ARHGEF10: variants seen among roughly 807,000 people sequenced by gnomAD.
ARHGEF10 encodes Rho guanine nucleotide exchange factor (GEF) 10.
ARHGEF10 carries 140 observed loss-of-function variants against 147.4 expected under a neutral mutation model. The ratio of observed to expected loss-of-function variants is 0.95; its 90% confidence interval spans 0.83 to 1.09. The LOEUF (loss-of-function observed/expected upper bound fraction) is 1.09. ARHGEF10 is among the 50% of genes least tolerant of loss of function. The pLI is 0.00. For synonymous variants in ARHGEF10, 902 were observed against 695.8 expected (o/e 1.30, Z -4.67); for missense variants, 2,222 against 1,752.7 (o/e 1.27, Z -4.78).
intron 1 of ARHGEF10, among the ~76,000 whole-genome samples, chr8:1,838,377 G>T (rs1803718844): frequency 1.3e-5 from 2 of 152,236 alleles, no homozygotes; most frequent in Non-Finnish European, 2.9e-5. Flanking sequence ...CTCTGAGGCT[G>T]CAGAGTCATC....
intron 4 of ARHGEF10, among the ~76,000 whole-genome samples, chr8:1,862,775 CTTTTTTT>C (rs10594929): frequency 2.5e-5 from 3 of 120,508 alleles, no homozygotes; most frequent in African/African-American, 1.0e-4. Context: ...TTTTCTTCTT[CTTTTTTT>C]TTTTTTTTTT....
chr8:1,886,575 T>C (rs1392793456), intron 11 of ARHGEF10, among the ~76,000 whole-genome samples: 1 of 152,206 alleles, frequency 6.6e-6, no homozygotes, highest in African/African-American at 2.4e-5. Context: ...CAGCGATGAC[T>C]GAAGTATTAG....
intron 14 of ARHGEF10, among the ~76,000 whole-genome samples, chr8:1,897,482 G>A (rs533031343): frequency 4.0e-5 from 6 of 150,450 alleles, no homozygotes; most frequent in African/African-American, 1.5e-4. Flanking sequence ...CTAAGGGATC[G>A]GATCGCAGTT....
At chr8:1,911,529 T>G (rs1397929251) in intron 18 of ARHGEF10, among the ~76,000 whole-genome samples, 1 of 152,204 alleles carries the variant, frequency 6.6e-6, no homozygotes, top group Non-Finnish European at 1.5e-5. Flanking sequence ...CTCTGGGGCT[T>G]TTTTCCGGCG....
intron 4 of ARHGEF10, among the ~76,000 whole-genome samples, chr8:1,861,076 C>CT (rs1456552870): frequency 2.0e-5 from 3 of 152,224 alleles, no homozygotes; most frequent in Non-Finnish European, 4.4e-5. Flanking sequence ...CGAGCGAGGA[C>CT]TGTGGGTGCC....
chr8:1,886,651 G>A (rs1448211765), intron 11 of ARHGEF10, among the ~76,000 whole-genome samples: 1 of 152,212 alleles, frequency 6.6e-6, no homozygotes, highest in Non-Finnish European at 1.5e-5. Flanking sequence ...CAGTTGTTGA[G>A]GAGCTGTCAC....
chr8:1,879,580 T>C (rs994885422), intron 8 of ARHGEF10, among the ~76,000 whole-genome samples: 1 of 149,104 alleles, frequency 6.7e-6, no homozygotes, highest in South Asian at 2.1e-4. Context: ...GGAGACAGGG[T>C]CTTACTCTGT....
At chr8:1,884,423 C>G (rs1006975543) in intron 10 of ARHGEF10, among the ~76,000 whole-genome samples, 1 of 151,394 alleles carries the variant, frequency 6.6e-6, no homozygotes. Flanking sequence ...GGGCAAATCC[C>G]TAACCTCCCA....
chr8:1,894,673 G>T, intron 13 of ARHGEF10, 101 bp downstream of exon 13: 5 of 1,346,378 alleles, frequency 3.7e-6, no homozygotes, highest in Non-Finnish European at 5.3e-6. Flanking sequence ...CCTGCAAGCT[G>T]ACAAGTGTGC....
Position 1,851,515 on chromosome 8 carries a change from G to A in ARHGEF10, c.38-6445G>A, listed in dbSNP as rs1421052581. The stretch of plus-strand genomic sequence containing the variant: ...GGCAAAGGATGGGGGATAGTGTTGG[G>A]GGAGGCTCTCTTTGGGGGTGGGGAG... On this transcript the variant is annotated intron_variant, in intron 2 of 28. Transcript: ENST00000349830. 2.6e-5 allele frequency among the ~76,000 whole-genome samples: 4 copies of A among 152,182 alleles called. No homozygotes were observed. In the East Asian group the frequency reaches 7.8e-4, roughly 30 times the overall value.
At chr8:1,893,783 A>G (rs1809743741) in intron 12 of ARHGEF10, 137 bp downstream of exon 12, 1 of 684,020 alleles carries the variant, frequency 1.5e-6, no homozygotes, top group East Asian at 2.7e-5. Flanking sequence ...AAAAGGATCT[A>G]AGTATTATGT....
At chr8:1,847,269 C>T (rs574882549) in intron 2 of ARHGEF10, among the ~76,000 whole-genome samples, 1 of 152,284 alleles carries the variant, frequency 6.6e-6, no homozygotes, top group South Asian at 2.1e-4. Flanking sequence ...AAAAACAGAA[C>T]CCCTCTCATA....
At chr8:1,844,550 G>C (rs1311472053) in intron 2 of ARHGEF10, among the ~76,000 whole-genome samples, 1 of 152,110 alleles carries the variant, frequency 6.6e-6, no homozygotes, top group Non-Finnish European at 1.5e-5. Context: ...TCTGCGGTGG[G>C]GAACCAGGCC....
At chr8:1,941,350 T>G (rs1159955122) in intron 26 of ARHGEF10, among the ~76,000 whole-genome samples, 1 of 152,168 alleles carries the variant, frequency 6.6e-6, no homozygotes, top group Non-Finnish European at 1.5e-5. Flanking sequence ...AGAAAACAAC[T>G]TCATTTATAA....
intron 8 of ARHGEF10, among the ~76,000 whole-genome samples, chr8:1,878,238 G>A (rs968309764): frequency 2.6e-5 from 4 of 151,982 alleles, no homozygotes; most frequent in African/African-American, 9.7e-5. Context: ...CGCTCAGGCT[G>A]AAGTACAATG....
rs374908437 is a variant in ARHGEF10 at position 1,929,451 on chromosome 8, G to A, written c.3079+8G>A. 10 of 1,601,670 alleles carry A rather than the reference G, an allele frequency of 6.2e-6. No homozygotes were observed. Among genetic ancestry groups the A allele is most frequent in the East Asian group, 2.2e-5 (1 of 44,698 alleles). On this transcript the variant is annotated splice_region_variant and intron_variant, in intron 25 of 28. Transcript: ENST00000349830. ...GCTACGCCAGAGCCCCAGGTGAGGCGGGTCTCACGGCCTCCTGGCCGGTCC... is the reference window on the plus strand; with the variant it reads ...GCTACGCCAGAGCCCCAGGTGAGGCAGGTCTCACGGCCTCCTGGCCGGTCC...
At chr8:1,886,686 G>T (rs186269399) in intron 11 of ARHGEF10, among the ~76,000 whole-genome samples, 2 of 142,966 alleles carry the variant, frequency 1.4e-5, no homozygotes, top group African/African-American at 4.9e-5. Context: ...GCTCTGTGCA[G>T]GCCCCGTGCC....
In ARHGEF10 at chr8:1,905,636, CAGAGG is replaced by C; in HGVS notation, c.1892_1896del (p.Gly631AspfsTer3). Reference sequence around the variant, plus strand: ...ATATGATAGAAACAGTTTACAACGACAGAGGAGAGATTGTTAAAACCAAAGAACGC... The same window carrying C: ...ATATGATAGAAACAGTTTACAACGACAGAGATTGTTAAAACCAAAGAACGC... On this transcript the variant is annotated frameshift_variant, in exon 17 of 29. Coordinates refer to ENST00000349830, the MANE Select transcript of ARHGEF10 (RefSeq NM_014629.4). LOFTEE classifies it high-confidence loss of function. 6.2e-7 allele frequency: 1 copy of C among 1,614,168 alleles called. No homozygotes were observed. Among genetic ancestry groups the C allele is most frequent in the Non-Finnish European group, 8.5e-7 (1 of 1,180,018 alleles).
rs1297905601 is a variant in ARHGEF10, at chr8:1,834,371, C to T, written c.-47-8982C>T. ...AGATCCCACGGAGACGGTCTCAGTCCGAGGTGAGCAGAGCGTAATGGTGAG... is the reference window on the plus strand; with the variant it reads ...AGATCCCACGGAGACGGTCTCAGTCTGAGGTGAGCAGAGCGTAATGGTGAG... On this transcript the variant is annotated intron_variant, in intron 1 of 28. Transcript: ENST00000349830. 5.9e-5 allele frequency among the ~76,000 whole-genome samples: 9 copies of T among 152,056 alleles called. No individual in the cohort carries two copies. The South Asian group carries it at 6.2e-4, about 11-fold the overall frequency.
Sources: gnomAD v4.1 joint callset for allele counts (sites outside exome capture counted in the v4.1 genomes callset) on GRCh38, gnomAD v4.1.1 for gene constraint, MANE v1.5 for transcripts, NCBI Gene and HGNC (gene_info 2026-07-23, HGNC 2026-07-21) for gene names.